PTPRT: variants seen among roughly 807,000 people sequenced by gnomAD.
The protein encoded by PTPRT is receptor-type tyrosine-protein phosphatase T.
PTPRT carries 56 observed loss-of-function variants against 176.8 expected under a neutral mutation model. The ratio of observed to expected loss-of-function variants is 0.32; its 90% CI spans 0.26 to 0.40. The LOEUF is 0.40. PTPRT is among the 10% of genes least tolerant of loss of function. The probability of loss-of-function intolerance (pLI) is 1.00; values close to 1 mark genes in which losing one functional copy is unlikely to be tolerated. For synonymous variants in PTPRT, 783 were observed against 739.0 expected, an observed-to-expected ratio of 1.06 and a Z score of -0.96; for missense variants, 1,540 against 1,908.2, an observed-to-expected ratio of 0.81 and a Z score of 3.60.
chr20:42,692,379 G>T (rs2075806503), intron 6 of PTPRT, among the ~76,000 whole-genome samples: 1 of 152,124 alleles, frequency 6.6e-6, no homozygotes, highest in African/African-American at 2.4e-5. Flanking sequence ...GGGACTACAA[G>T]ATTGATTTAA....
At chr20:42,655,316 C>A (rs1159231117) in intron 7 of PTPRT, among the ~76,000 whole-genome samples, 2 of 152,124 alleles carry the variant, frequency 1.3e-5, no homozygotes, top group Non-Finnish European at 2.9e-5. Context: ...CATGGTGAAA[C>A]CTTGTCTCTA....
intron 7 of PTPRT, among the ~76,000 whole-genome samples, chr20:42,529,320 C>T (rs145797307): frequency 3.9e-5 from 6 of 152,102 alleles, no homozygotes; most frequent in Admixed American, 1.3e-4. Flanking sequence ...GGAAGGGCAC[C>T]GTGAGACCAC....
intron 2 of PTPRT, among the ~76,000 whole-genome samples, chr20:42,863,892 C>T (rs974146544): frequency 3.9e-5 from 6 of 152,232 alleles, no homozygotes; most frequent in African/African-American, 1.4e-4. Flanking sequence ...CCAGCCCCAC[C>T]TCTGCAGCTT....
At chr20:42,447,200 A>C (rs2070748992) in intron 9 of PTPRT, among the ~76,000 whole-genome samples, 1 of 152,090 alleles carries the variant, frequency 6.6e-6, no homozygotes, top group Admixed American at 6.6e-5. Flanking sequence ...TCAGTGACTT[A>C]AGCCTCTTCG....
At chr20:42,319,238 T>C (rs1461164755) in intron 11 of PTPRT, among the ~76,000 whole-genome samples, 1 of 151,724 alleles carries the variant, frequency 6.6e-6, no homozygotes, top group Non-Finnish European at 1.5e-5. Context: ...ACCCAGACTT[T>C]TCATTCATAG....
At chr20:42,252,546 C>A (rs1456301337) in intron 13 of PTPRT, among the ~76,000 whole-genome samples, 1 of 152,040 alleles carries the variant, frequency 6.6e-6, no homozygotes, top group Non-Finnish European at 1.5e-5. Context: ...AGTGTAGTAT[C>A]CTAGAGCCAA....
intron 1 of PTPRT, among the ~76,000 whole-genome samples, chr20:42,891,374 T>C (rs1281216290): frequency 6.6e-6 from 1 of 152,200 alleles, no homozygotes; most frequent in Non-Finnish European, 1.5e-5. Flanking sequence ...GCTATTTCCC[T>C]GGGCAGGCTG....
chr20:43,180,820 T>C lies in PTPRT; in HGVS notation c.88+8826A>G, dbSNP rs116032584. Among the ~76,000 whole-genome samples the C allele has an allele frequency of 5.1e-3, 770 of 152,290 alleles. 10 individuals are homozygous for C. Among genetic ancestry groups the C allele is most frequent in the African/African-American group, 0.018 (738 of 41,544 alleles). ...AATATATATGCCCTATTATATATTC[T>C]AATATATATAGCCTATTGGTTCTGT... is the stretch of plus-strand genomic sequence containing the variant. On this transcript the variant is annotated intron_variant, in intron 1 of 30. Transcript: ENST00000373187.
At chr20:42,929,191 G>A (rs1043883638) in intron 1 of PTPRT, among the ~76,000 whole-genome samples, 1 of 152,226 alleles carries the variant, frequency 6.6e-6, no homozygotes, top group African/African-American at 2.4e-5. Flanking sequence ...TACATGCAAG[G>A]ATACTCAGTG....
At chr20:42,436,828 G>A (rs982286223) in intron 9 of PTPRT, among the ~76,000 whole-genome samples, 2 of 152,188 alleles carry the variant, frequency 1.3e-5, no homozygotes, top group Non-Finnish European at 2.9e-5. Context: ...TCGTGCAGTG[G>A]AGTAGTAGAC....
intron 1 of PTPRT, among the ~76,000 whole-genome samples, chr20:43,011,866 G>A (rs901683657): frequency 1.3e-5 from 2 of 152,188 alleles, no homozygotes; most frequent in African/African-American, 4.8e-5. Flanking sequence ...GCAGGCAGAA[G>A]ATGGAAGGAC....
At chr20:43,172,473 T>C (rs543281876) in intron 1 of PTPRT, among the ~76,000 whole-genome samples, 8 of 152,300 alleles carry the variant, frequency 5.3e-5, no homozygotes, top group African/African-American at 1.9e-4. Flanking sequence ...GTCTCAAACA[T>C]TCCTGCGTTT....
At chr20:42,862,253 C>T (rs976418340) in intron 2 of PTPRT, among the ~76,000 whole-genome samples, 2 of 152,158 alleles carry the variant, frequency 1.3e-5, no homozygotes, top group African/African-American at 4.8e-5. Flanking sequence ...GCCTGGCTCA[C>T]AAGGCCTCCC....
chr20:43,038,118 T>C (rs770129885), intron 1 of PTPRT, among the ~76,000 whole-genome samples: 3 of 152,096 alleles, frequency 2.0e-5, no homozygotes, highest in East Asian at 3.8e-4. Context: ...AATATTAACA[T>C]GTTTGATTAA....
rs147348730 is a variant in PTPRT at position 43,147,851 on chromosome 20, C to A, written c.88+41795G>T. Among the ~76,000 whole-genome samples, 241 of 152,250 alleles carry A rather than the reference C, an allele frequency of 1.6e-3. 1 individual carries two copies. The highest frequency in any genetic ancestry group is 3.5e-3 in the East Asian group (18 of 5,170). On this transcript the variant is annotated intron_variant, in intron 1 of 30. Coordinates refer to ENST00000373187, the MANE Select transcript of PTPRT (RefSeq NM_007050.6). ...CCAAGGTGCCTTCGGCTGAAAAATT[C>A]TTTCATCTACTCCAAGCCAAAGCAG...
intron 1 of PTPRT, among the ~76,000 whole-genome samples, chr20:42,991,085 A>C (rs749898500): frequency 9.9e-5 from 15 of 152,166 alleles, no homozygotes; most frequent in Non-Finnish European, 1.6e-4. Flanking sequence ...GGAACTCTGA[A>C]ATGGTTTGCA....
intron 15 of PTPRT, among the ~76,000 whole-genome samples, chr20:42,223,744 C>A (rs765099638): frequency 2.0e-5 from 3 of 152,086 alleles, no homozygotes; most frequent in African/African-American, 4.8e-5. Context: ...TTAGATTTTT[C>A]ACCAAAAATT....
At chr20:43,097,937 G>GTGCAA (rs1247594143) in intron 1 of PTPRT, among the ~76,000 whole-genome samples, 2 of 152,152 alleles carry the variant, frequency 1.3e-5, no homozygotes, top group Non-Finnish European at 2.9e-5. Context: ...CAAGATGCAA[G>GTGCAA]TGCAGCACAG....
At chr20:42,993,544 A>G (rs1046927124) in intron 1 of PTPRT, among the ~76,000 whole-genome samples, 2 of 96,568 alleles carry the variant, frequency 2.1e-5, no homozygotes, top group African/African-American at 1.1e-4. Flanking sequence ...ATGTGTGTGT[A>G]TATATATACA....
Sources: allele counts gnomAD v4.1 joint callset (sites outside exome capture counted in the v4.1 genomes callset), GRCh38; gene constraint gnomAD v4.1.1; transcripts MANE v1.5; gene names NCBI Gene and HGNC (gene_info 2026-07-23, HGNC 2026-07-21).